NXPH2: variants seen among roughly 807,000 people sequenced by gnomAD.
NXPH2 encodes neurexophilin-2.
A neutral mutation model predicts 19.8 loss-of-function variants in NXPH2; 5 were observed. That is an observed-to-expected ratio of 0.25 (90% CI 0.13 to 0.53). The LOEUF (loss-of-function observed/expected upper bound fraction) is 0.53, where lower values mean the gene tolerates loss of function less well. NXPH2 is among the 20% of genes least tolerant of loss of function. NXPH2 has a pLI of 0.96. For synonymous variants in NXPH2, 154 were observed against 127.4 expected (o/e 1.21, Z -1.41); for missense variants, 289 against 322.8 (o/e 0.90, Z 0.80).
At chr2:138,762,312 A>G (rs1447962864) in intron 1 of NXPH2, among the ~76,000 whole-genome samples, 3 of 151,844 alleles carry the variant, frequency 2.0e-5, no homozygotes, top group African/African-American at 4.8e-5. Context: ...AAGCTCTAGC[A>G]TCCCAAAATT....
chr2:138,778,382 A>C (rs753525671), intron 1 of NXPH2, among the ~76,000 whole-genome samples: 1 of 152,210 alleles, frequency 6.6e-6, no homozygotes, highest in Non-Finnish European at 1.5e-5. Flanking sequence ...GTAATATTAG[A>C]ATCTAGCTCT....
intron 1 of NXPH2, among the ~76,000 whole-genome samples, chr2:138,709,486 C>G (rs533174678): frequency 1.3e-5 from 2 of 151,894 alleles, no homozygotes; most frequent in South Asian, 2.1e-4. Flanking sequence ...CCTTTCCCCC[C>G]ACCAGTGTGG....
intron 1 of NXPH2, among the ~76,000 whole-genome samples, chr2:138,707,092 G>C (rs555429807): frequency 8.6e-4 from 1 of 1,158 alleles, no homozygotes; most frequent in African/African-American, 1.8e-3. Flanking sequence ...CTTGCCCCAT[G>C]ACAAAAAAAA....
At chr2:138,723,890 C>T (rs373882953) in intron 1 of NXPH2, among the ~76,000 whole-genome samples, 4 of 151,056 alleles carry the variant, frequency 2.6e-5, no homozygotes, top group Admixed American at 6.6e-5. Flanking sequence ...TGACTTCCCC[C>T]GGATTATTTC....
intron 1 of NXPH2, among the ~76,000 whole-genome samples, chr2:138,746,422 GC>G (rs908632568): frequency 2.0e-5 from 3 of 147,436 alleles, no homozygotes; most frequent in Non-Finnish European, 4.4e-5. Flanking sequence ...ACTGGCCAAA[GC>G]TTTCCATGCT....
intron 1 of NXPH2, among the ~76,000 whole-genome samples, chr2:138,772,446 G>A (rs548488767): frequency 4.6e-5 from 7 of 152,180 alleles, no homozygotes; most frequent in South Asian, 2.1e-4. Context: ...ACAGGCATGC[G>A]CCACCACGCC....
chr2:138,671,745 G>T, intron 1 of NXPH2, 80 bp from the exon 2 acceptor site: 1 of 1,380,102 alleles, frequency 7.2e-7, no homozygotes. Context: ...AAGCGCAAGG[G>T]AAATTATTTC....
At chr2:138,690,523 C>T (rs1234987678) in intron 1 of NXPH2, among the ~76,000 whole-genome samples, 1 of 151,008 alleles carries the variant, frequency 6.6e-6, no homozygotes, top group Non-Finnish European at 1.5e-5. Flanking sequence ...TTCCAATGCA[C>T]AATCCACTCA....
At chr2:138,694,706 A>G (rs1680803821) in intron 1 of NXPH2, among the ~76,000 whole-genome samples, 1 of 152,174 alleles carries the variant, frequency 6.6e-6, no homozygotes, top group Non-Finnish European at 1.5e-5. Flanking sequence ...TGATGGTTCA[A>G]CTTACAATTT....
At chr2:138,679,828 G>C (rs16841048) in intron 1 of NXPH2, among the ~76,000 whole-genome samples, 6,755 of 152,098 alleles carry the variant, frequency 0.044, 458 homozygotes, top group African/African-American at 0.15. Context: ...TTTTATTTTT[G>C]CAGGATTAAG....
chr2:138,775,237 T>C (rs1225533444), intron 1 of NXPH2, among the ~76,000 whole-genome samples: 1 of 152,166 alleles, frequency 6.6e-6, no homozygotes, highest in Admixed American at 6.5e-5. Flanking sequence ...TAATTCCTTA[T>C]TATATACCAA....
Position 138,741,985 on chromosome 2 carries a change from T to C in NXPH2, c.51+38206A>G, listed in dbSNP as rs558644393. The stretch of plus-strand genomic sequence containing the variant: ...CAAAATTGAGCATATTGCTCTCTAT[T>C]TAGTGGGCTTGCAAAGTCAATTCCA... On this transcript the variant is annotated intron_variant, in intron 1 of 1. Coordinates refer to ENST00000272641, the MANE Select transcript of NXPH2 (RefSeq NM_007226.3). Among the ~76,000 whole-genome samples the C allele has an allele frequency of 1.1e-4, 17 of 152,290 alleles. No homozygotes were observed. The South Asian group carries it at 2.9e-3, about 26-fold the overall frequency.
At chr2:138,746,723 C>T (rs1681741682) in intron 1 of NXPH2, among the ~76,000 whole-genome samples, 1 of 152,176 alleles carries the variant, frequency 6.6e-6, no homozygotes, top group Non-Finnish European at 1.5e-5. Flanking sequence ...CTTAAAGCTC[C>T]AAGACCCCAC....
At chr2:138,778,954 G>C (rs1314494610) in intron 1 of NXPH2, among the ~76,000 whole-genome samples, 1 of 152,180 alleles carries the variant, frequency 6.6e-6, no homozygotes, top group African/African-American at 2.4e-5. Context: ...TAACAAGCAT[G>C]GACCACGGGC....
intron 1 of NXPH2, among the ~76,000 whole-genome samples, chr2:138,677,344 T>G (rs1680499801): frequency 6.6e-6 from 1 of 152,238 alleles, no homozygotes; most frequent in Non-Finnish European, 1.5e-5. Context: ...GAACATTCCT[T>G]GATTTCAACA....
At chr2:138,677,709 T>C (rs1473538181) in intron 1 of NXPH2, among the ~76,000 whole-genome samples, 1 of 152,232 alleles carries the variant, frequency 6.6e-6, no homozygotes, top group Non-Finnish European at 1.5e-5. Context: ...ATGTGAGACC[T>C]GTCACAAATT....
chr2:138,692,985 T>C (rs976341054), intron 1 of NXPH2, among the ~76,000 whole-genome samples: 1 of 152,224 alleles, frequency 6.6e-6, no homozygotes, highest in Admixed American at 6.5e-5. Flanking sequence ...TTCCATTTCA[T>C]GCATATTTTT....
intron 1 of NXPH2, among the ~76,000 whole-genome samples, chr2:138,739,154 TA>T (rs1681605565): frequency 6.6e-6 from 1 of 152,096 alleles, no homozygotes; most frequent in Admixed American, 6.6e-5. Context: ...GCATCAATAA[TA>T]AAAAAATAAC....
At chr2:138,728,671 A>T (rs1346820703) in intron 1 of NXPH2, among the ~76,000 whole-genome samples, 1 of 152,230 alleles carries the variant, frequency 6.6e-6, no homozygotes, top group East Asian at 1.9e-4. Context: ...AGTTTTTTAA[A>T]TTCCTACATG....
Sources: allele counts gnomAD v4.1 joint callset (sites outside exome capture counted in the v4.1 genomes callset), GRCh38; gene constraint gnomAD v4.1.1; transcripts MANE v1.5; gene names NCBI Gene and HGNC (gene_info 2026-07-23, HGNC 2026-07-21).